Variants in PHF6 observed in about 807,000 individuals in gnomAD.
PHF6 encodes PHD finger protein 6.
Under a neutral mutation model 34.0 loss-of-function variants are expected in PHF6, and 7 were observed. The ratio of observed to expected loss-of-function variants is 0.21; its 90% CI spans 0.12 to 0.39. The LOEUF is 0.39. PHF6 is among the 10% of genes least tolerant of loss of function. The pLI is 1.00. For missense variants in PHF6, 128 were observed against 262.8 expected (o/e 0.49, Z 3.55); for synonymous variants, 89 against 88.4 (o/e 1.01, Z -0.04).
At chrX:134,412,824 T>C (rs1483890029) in intron 5 of PHF6, among the ~76,000 whole-genome samples, 1 of 112,439 alleles carries the variant, frequency 8.9e-6, no homozygotes, top group Non-Finnish European at 1.9e-5. Context: ...ACTGCTTGTA[T>C]TAGAAATTCT....
At chrX:134,420,638 G>C (rs2077488496) in intron 9 of PHF6, among the ~76,000 whole-genome samples, 1 of 110,781 alleles carries the variant, frequency 9.0e-6, no homozygotes, top group African/African-American at 3.3e-5. Flanking sequence ...TGTCACCCAG[G>C]CTGGAGTGCA....
At chrX:134,406,732 C>T (rs1012294394) in intron 5 of PHF6, among the ~76,000 whole-genome samples, 2 of 111,713 alleles carry the variant, frequency 1.8e-5, no homozygotes, top group African/African-American at 6.5e-5. Context: ...GGAGGACAAC[C>T]CTATTTTGTC....
chrX:134,406,062 T>TTTCTTTCTTTCTTTCTTTC (rs2077422140), intron 5 of PHF6, among the ~76,000 whole-genome samples: 8 of 78,076 alleles, frequency 1.0e-4, no homozygotes, highest in South Asian at 7.4e-4. Flanking sequence ...TCCTTTTTCT[T>TTTCTTTCTTTCTTTCTTTC]TTTCTTTCTT....
Position 134,413,730 on chromosome X carries a change from A to C in PHF6, c.585+73A>C, listed in dbSNP as rs745461016. On this transcript the variant is annotated intron_variant, in intron 6 of 10. Coordinates refer to ENST00000370803, the MANE Select transcript of PHF6 (RefSeq NM_001015877.2). ...ATTTCATTTAAACTATCTATAGGTA[A>C]AGTTCATCATTTGAAATGTTAAGTA... The C allele has an allele frequency of 9.5e-5, 113 of 1,185,888 alleles. No individual in the cohort carries two copies. In the African/African-American group the frequency reaches 1.5e-3, roughly 16 times the overall value.
At chrX:134,381,213 C>T (rs78646715) in intron 3 of PHF6, among the ~76,000 whole-genome samples, 10,260 of 110,557 alleles carry the variant, frequency 0.093, 407 homozygotes, top group East Asian at 0.21. Context: ...GTTTAAACAA[C>T]TTATATAGGG....
chrX:134,416,002 C>G (rs1358433113), intron 8 of PHF6, among the ~76,000 whole-genome samples: 1 of 110,121 alleles, frequency 9.1e-6, no homozygotes, highest in African/African-American at 3.3e-5. Flanking sequence ...CTCTGTCGCC[C>G]AGGCTGGGGT....
At chrX:134,396,348 C>T (rs2077377491) in intron 5 of PHF6, among the ~76,000 whole-genome samples, 1 of 111,727 alleles carries the variant, frequency 9.0e-6, no homozygotes, top group Non-Finnish European at 1.9e-5. Flanking sequence ...ATGTAGATAG[C>T]TCCCATTTTA....
intron 5 of PHF6, among the ~76,000 whole-genome samples, chrX:134,396,572 G>A (rs928237437): frequency 1.8e-5 from 2 of 111,268 alleles, no homozygotes; most frequent in African/African-American, 6.5e-5. Flanking sequence ...TTTGGGATTC[G>A]ATGTGTACGT....
rs2077511360 is a variant in PHF6 at position 134,427,581 on chromosome X, G to A, written c.*1921G>A. 2 of 156,768 alleles carry A rather than the reference G, an allele frequency of 1.3e-5. No homozygotes were observed. The allele number at this position is 156,768 out of a possible 1,213,427, so 12.9% of individuals were successfully genotyped here. On this transcript the variant is annotated 3_prime_UTR_variant, in exon 11 of 11. Transcript: ENST00000370803. ...AGTTCAAATACTATAGCTGTCAGTT[G>A]ATGAATTTGTTATGTAGTAAAATGT...
Position 134,394,157 on chromosome X carries a change from G to A in PHF6, c.418+205G>A, listed in dbSNP as rs2077366824. On this transcript the variant is annotated intron_variant, in intron 5 of 10. Transcript: ENST00000370803. ...TCTTTTTTTTTTTTTTTCCTGAAAC[G>A]AAGTCTTGCTCTGTCGCCCAGGCTG... 6.5e-5 allele frequency among the ~76,000 whole-genome samples: 7 copies of A among 107,383 alleles called. No individual in the cohort carries two copies. In the Admixed American group the frequency reaches 7.0e-4, roughly 11 times the overall value. 93.2% of individuals were successfully genotyped at this position (107,383 alleles called of 115,157 possible).
At position 134,426,583 on chromosome X, in the gene PHF6, A is replaced by G. The variant is rs904221771; in HGVS notation, c.*923A>G. 1.3e-5 allele frequency: 2 copies of G among 158,998 alleles called. No individual in the cohort carries two copies. The highest frequency in any genetic ancestry group is 6.1e-5 in the African/African-American group (2 of 33,020). 13.1% of individuals were successfully genotyped at this position (158,998 alleles called of 1,213,427 possible). On this transcript the variant is annotated 3_prime_UTR_variant, in exon 11 of 11. Transcript: ENST00000370803. ...TTTGCATAAAACAGTATTTATTTTTACTTTTGTGACCACTATTTTAGAAAC... is the reference window on the plus strand; with the variant it reads ...TTTGCATAAAACAGTATTTATTTTTGCTTTTGTGACCACTATTTTAGAAAC...
rs764533970 is a variant in PHF6, at chrX:134,377,956, GTGAT to G, written c.139-47_139-44del. On this transcript the variant is annotated intron_variant, in intron 2 of 10. Transcript: ENST00000370803. ...TTGACATCTTATTTACTGTTTTACT[GTGAT>G]TAATTTATATATGAACCTTAATTTT... is the stretch of plus-strand genomic sequence containing the variant. The G allele has an allele frequency of 1.6e-5, 16 of 996,841 alleles. No homozygotes were observed. The African/African-American group carries it at 2.5e-4, about 16-fold the overall frequency. 82.2% of individuals were successfully genotyped at this position (996,841 alleles called of 1,213,427 possible). A position where few individuals can be genotyped will look rare whatever the true frequency, so the allele number is the denominator to read the frequency against.
chrX:134,399,141 G>C (rs938595685), intron 5 of PHF6, among the ~76,000 whole-genome samples: 1 of 111,826 alleles, frequency 8.9e-6, no homozygotes, highest in African/African-American at 3.2e-5. Context: ...AAGGAAGAGA[G>C]TAGTTCCTGA....
rs753888288 is a variant in PHF6, at chrX:134,417,250, G to T, written c.916G>T (p.Gly306Ter). The T allele has an allele frequency of 8.3e-7, 1 of 1,209,043 alleles. No individual in the cohort carries two copies. The highest frequency in any genetic ancestry group is 1.1e-6 in the Non-Finnish European group (1 of 893,302). The change falls in exon 9 of 11, where the codon GGA becomes TGA. Residue 306 changes from glycine (G) to a stop codon, truncating the protein, a stop_gained. Transcript: ENST00000370803. LOFTEE classifies it high-confidence loss of function. ...ACVKTYHYHC[G>*]VQDKAKYIEN... is the part of the protein sequence containing the mutation. ...TGTTAAGACTTACCATTACCACTGT[G>T]GAGTACAAGACAAAGCTAAATACAT...
At chrX:134,406,489 A>G (rs1200847462) in intron 5 of PHF6, among the ~76,000 whole-genome samples, 3 of 111,695 alleles carry the variant, frequency 2.7e-5, no homozygotes, top group Non-Finnish European at 5.6e-5. Context: ...AGGAAGTTGT[A>G]AGATGAGGAA....
intron 3 of PHF6, among the ~76,000 whole-genome samples, chrX:134,382,211 G>A (rs376745373): frequency 8.9e-6 from 1 of 111,768 alleles, no homozygotes; most frequent in South Asian, 3.7e-4. Context: ...TCCTTTACAC[G>A]GTCTTTAATT....
At chrX:134,420,422 A>G (rs2077487592) in intron 9 of PHF6, 1 of 111,141 alleles carries the variant, frequency 9.0e-6, no homozygotes, top group Admixed American at 9.6e-5. Flanking sequence ...TGAATTTATT[A>G]AAATTAGTAA....
chrX:134,416,656 AG>A (rs1210219613), intron 8 of PHF6, among the ~76,000 whole-genome samples: 1 of 112,302 alleles, frequency 8.9e-6, no homozygotes, highest in Non-Finnish European at 1.9e-5. Context: ...CCTTTTCAAC[AG>A]GTACCTTTTA....
chrX:134,399,579 G>A (rs920015826), intron 5 of PHF6, among the ~76,000 whole-genome samples: 15 of 109,667 alleles, frequency 1.4e-4, no homozygotes, highest in African/African-American at 5.0e-4. Context: ...TTTTAGAACA[G>A]TTTTAGGTTT....
Sources: allele counts gnomAD v4.1 joint callset (sites outside exome capture counted in the v4.1 genomes callset), GRCh38; gene constraint gnomAD v4.1.1; transcripts MANE v1.5; gene names NCBI Gene and HGNC (gene_info 2026-07-23, HGNC 2026-07-21).